The following LHFPL3 variants were observed in gnomAD, a reference collection of about 807,000 sequenced individuals.
LHFPL3 encodes LHFPL tetraspan subfamily member 3 protein.
LHFPL3 carries 5 observed loss-of-function variants against 19.3 expected under a neutral mutation model. That is an observed-to-expected ratio of 0.26 (90% CI 0.14 to 0.54). The LOEUF is 0.54. Among genes scored for constraint, LHFPL3 ranks in the 20% least tolerant of loss-of-function variants. The pLI, the probability that LHFPL3 is intolerant of heterozygous loss-of-function variation, is 0.94. For missense variants in LHFPL3, 249 were observed against 307.4 expected, an observed-to-expected ratio of 0.81 and a Z score of 1.42; for synonymous variants, 133 against 126.2, an observed-to-expected ratio of 1.05 and a Z score of -0.36.
intron 1 of LHFPL3, among the ~76,000 whole-genome samples, chr7:104,706,041 A>G (rs1052608166): frequency 5.3e-5 from 8 of 152,214 alleles, no homozygotes; most frequent in African/African-American, 1.7e-4. Flanking sequence ...TGCCAGCAGC[A>G]TCATTTTGTT....
At chr7:104,484,411 C>T (rs1410662367) in intron 1 of LHFPL3, among the ~76,000 whole-genome samples, 1 of 152,198 alleles carries the variant, frequency 6.6e-6, no homozygotes, top group Non-Finnish European at 1.5e-5. Flanking sequence ...GGCCAAAGTG[C>T]TGAGGATGGA....
At chr7:104,590,553 T>C (rs765114665) in intron 1 of LHFPL3, among the ~76,000 whole-genome samples, 1 of 152,190 alleles carries the variant, frequency 6.6e-6, no homozygotes, top group Non-Finnish European at 1.5e-5. Context: ...AGTTTTGGAA[T>C]AAGTGTGATG....
intron 1 of LHFPL3, among the ~76,000 whole-genome samples, chr7:104,330,340 G>A (rs915964689): frequency 1.3e-5 from 2 of 152,172 alleles, no homozygotes; most frequent in African/African-American, 4.8e-5. Context: ...GGCAGCTAAA[G>A]TTTTCATTTG....
At chr7:104,400,289 GA>G (rs1260661480) in intron 1 of LHFPL3, among the ~76,000 whole-genome samples, 1 of 151,988 alleles carries the variant, frequency 6.6e-6, no homozygotes, top group East Asian at 1.9e-4. Context: ...AAAAATGTCT[GA>G]ACCTGCTAAT....
intron 1 of LHFPL3, among the ~76,000 whole-genome samples, chr7:104,452,143 C>G (rs539022950): frequency 4.6e-5 from 7 of 152,110 alleles, no homozygotes; most frequent in Admixed American, 1.3e-4. Context: ...ATTTGGTATT[C>G]TTTCCTTAGA....
intron 2 of LHFPL3, among the ~76,000 whole-genome samples, chr7:104,800,403 A>C (rs1163637421): frequency 6.6e-6 from 1 of 151,918 alleles, no homozygotes; most frequent in African/African-American, 2.4e-5. Flanking sequence ...AACACTCCTA[A>C]CCTACATTTC....
At chr7:104,663,481 C>T (rs4559179) in intron 1 of LHFPL3, among the ~76,000 whole-genome samples, 142,990 of 152,282 alleles carry the variant, frequency 0.94, 67,754 homozygotes, top group South Asian at 1. Flanking sequence ...TCACTCATCC[C>T]TCATTGAGCA....
At chr7:104,565,294 CATAAATTTGAG>C (rs1393892893) in intron 1 of LHFPL3, among the ~76,000 whole-genome samples, 1 of 152,144 alleles carries the variant, frequency 6.6e-6, no homozygotes, top group Non-Finnish European at 1.5e-5. Context: ...CCAGAAAAAT[CATAAATTTGAG>C]TCCACCTCCT....
At chr7:104,763,705 G>C (rs903799992) in intron 2 of LHFPL3, among the ~76,000 whole-genome samples, 3 of 152,114 alleles carry the variant, frequency 2.0e-5, no homozygotes, top group East Asian at 3.9e-4. Context: ...GATTCTGTGG[G>C]AGCAGGTTCT....
chr7:104,392,046 G>A (rs56272031), intron 1 of LHFPL3, among the ~76,000 whole-genome samples: 11,017 of 152,142 alleles, frequency 0.072, 447 homozygotes, highest in East Asian at 0.16. Context: ...GTATCCTGAG[G>A]CTTTGCTGAA....
At chr7:104,892,255 A>G (rs367547882) in intron 2 of LHFPL3, among the ~76,000 whole-genome samples, 6 of 152,346 alleles carry the variant, frequency 3.9e-5, no homozygotes, top group Admixed American at 3.9e-4. Flanking sequence ...CCACAATAAC[A>G]TGGAAGATGG....
intron 1 of LHFPL3, among the ~76,000 whole-genome samples, chr7:104,587,451 A>T (rs1366804129): frequency 6.6e-6 from 1 of 152,104 alleles, no homozygotes; most frequent in Non-Finnish European, 1.5e-5. Flanking sequence ...ACATGAACTC[A>T]TCATTTTTTA....
At chr7:104,354,239 G>GCACA (rs771037734) in intron 1 of LHFPL3, among the ~76,000 whole-genome samples, 16 of 152,194 alleles carry the variant, frequency 1.1e-4, no homozygotes, top group Admixed American at 9.2e-4. Flanking sequence ...GCTGACGACT[G>GCACA]CACAGTACTC....
intron 1 of LHFPL3, among the ~76,000 whole-genome samples, chr7:104,554,615 G>T (rs1794723460): frequency 6.6e-6 from 1 of 150,700 alleles, no homozygotes; most frequent in Non-Finnish European, 1.5e-5. Context: ...CACAGAGGCA[G>T]AACTAATAGG....
intron 2 of LHFPL3, among the ~76,000 whole-genome samples, chr7:104,898,006 C>CTTTTTTTTTTTTTTTTTTTTTTT (rs71155536): frequency 3.1e-5 from 3 of 96,806 alleles, no homozygotes; most frequent in Non-Finnish European, 3.9e-5. Context: ...AATGTCACCC[C>CTTTTTTTTTTTTTTTTTTTTTTT]TTTTTTTTTT....
rs146285014 is a variant in LHFPL3 at position 104,495,565 on chromosome 7, A to G, written c.445+166341A>G. On this transcript the variant is annotated intron_variant, in intron 1 of 2. Coordinates refer to ENST00000424859, the MANE Select transcript of LHFPL3 (RefSeq NM_199000.3). ...CGCTTGGCTAATTTTTTGTATTTTT[A>G]GTAGAGATGGGGTTTCACCATGTTA... Among the ~76,000 whole-genome samples, 1,180 of 152,172 alleles carry G rather than the reference A, an allele frequency of 7.8e-3. 16 individuals are homozygous for G. The highest frequency in any genetic ancestry group is 0.027 in the African/African-American group (1,132 of 41,508).
chr7:104,770,937 T>C (rs1794539839), intron 2 of LHFPL3, among the ~76,000 whole-genome samples: 2 of 152,240 alleles, frequency 1.3e-5, no homozygotes, highest in South Asian at 4.1e-4. Flanking sequence ...GTTTTTTAAG[T>C]GTGGGGATAT....
At position 104,430,005 on chromosome 7, in the gene LHFPL3, A is replaced by G. The variant is rs891316575; in HGVS notation, c.445+100781A>G. 3.9e-5 allele frequency among the ~76,000 whole-genome samples: 6 copies of G among 152,168 alleles called. No individual in the cohort carries two copies. The South Asian group carries it at 8.3e-4, about 21-fold the overall frequency. ...GACAAAATCAAGGAGAAATGGCTCAATGGCTCCTCAAACCGCTCTAGCTGC... is the reference window on the plus strand; with the variant it reads ...GACAAAATCAAGGAGAAATGGCTCAGTGGCTCCTCAAACCGCTCTAGCTGC... On this transcript the variant is annotated intron_variant, in intron 1 of 2. Coordinates refer to ENST00000424859, the MANE Select transcript of LHFPL3 (RefSeq NM_199000.3).
At chr7:104,478,900 A>G (rs1793076386) in intron 1 of LHFPL3, among the ~76,000 whole-genome samples, 1 of 152,218 alleles carries the variant, frequency 6.6e-6, no homozygotes, top group African/African-American at 2.4e-5. Flanking sequence ...TTGCCCCGGA[A>G]CACAATTTAG....
Sources: gnomAD v4.1 joint callset for allele counts (sites outside exome capture counted in the v4.1 genomes callset) on GRCh38, gnomAD v4.1.1 for gene constraint, MANE v1.5 for transcripts, NCBI Gene and HGNC (gene_info 2026-07-23, HGNC 2026-07-21) for gene names.